SEMA3C: variants seen among roughly 807,000 people sequenced by gnomAD.
SEMA3C encodes the protein semaphorin-3C.
Under a neutral mutation model 89.4 loss-of-function variants are expected in SEMA3C, and 47 were observed. The observed-to-expected ratio is 0.53, with a 90% CI of 0.42 to 0.67. SEMA3C has a LOEUF of 0.67. Ranked by LOEUF, SEMA3C falls within the 30% of genes least tolerant of loss-of-function variation. SEMA3C has a pLI of 0.00. For synonymous variants in SEMA3C, 310 were observed against 320.2 expected (o/e 0.97, Z 0.34); for missense variants, 839 against 929.1 (o/e 0.90, Z 1.26).
At chr7:80,874,444 C>G (rs1791148926) in intron 2 of SEMA3C, among the ~76,000 whole-genome samples, 1 of 92,996 alleles carries the variant, frequency 1.1e-5, no homozygotes, top group Non-Finnish European at 2.3e-5. Context: ...AAGACCATAG[C>G]AAGTTATTTA....
intron 2 of SEMA3C, among the ~76,000 whole-genome samples, chr7:80,858,950 T>C (rs1300970795): frequency 6.6e-6 from 1 of 152,160 alleles, no homozygotes; most frequent in East Asian, 1.9e-4. Flanking sequence ...AGGTGCATCA[T>C]TTGTCCTCTT....
chr7:80,916,365 A>T (rs1792274059), intron 2 of SEMA3C, among the ~76,000 whole-genome samples: 1 of 152,210 alleles, frequency 6.6e-6, no homozygotes, highest in Admixed American at 6.5e-5. Context: ...TACCAGGTGA[A>T]CAGTAAGATC....
chr7:80,805,527 T>C (rs1038000141), intron 7 of SEMA3C, 112 bp downstream of exon 7: 12 of 824,524 alleles, frequency 1.5e-5, no homozygotes, highest in Non-Finnish European at 2.0e-5. Context: ...CCATTATTCA[T>C]GTAATAGCCT....
rs35936052 is a variant in SEMA3C at position 80,851,504 on chromosome 7, T to TAAAAAAAAAAAA, written c.104-22771_104-22760dup. On this transcript the variant is annotated intron_variant, in intron 2 of 17. Transcript: ENST00000265361. ...GGTGACAGAGCAAGACTCTTGTCTT[T>TAAAAAAAAAAAA]AAAAAAAAAAAAAAAAAAAAAAAAA... Among the ~76,000 whole-genome samples the TAAAAAAAAAAAA allele has an allele frequency of 2.4e-4, 17 of 69,804 alleles. 1 individual carries two copies. The highest frequency in any genetic ancestry group is 8.4e-4 in the African/African-American group (16 of 19,110). 45.8% of individuals were successfully genotyped at this position (69,804 alleles called of 152,430 possible). A position where few individuals can be genotyped will look rare whatever the true frequency, so the allele number is the denominator to read the frequency against.
At chr7:80,772,711 T>G (rs1047472620) in intron 12 of SEMA3C, among the ~76,000 whole-genome samples, 24 of 144,778 alleles carry the variant, frequency 1.7e-4, no homozygotes, top group Admixed American at 7.4e-4. Context: ...TTTTTTTTTG[T>G]TTGTTTTATT....
In SEMA3C at chr7:80,742,835, A is replaced by T. The variant is rs541018538; in HGVS notation, c.*2059T>A. ...ACATTAACAGCATTTTTGAAAAAAA[A>T]TTTTCTTTTACATTCAGCAGAGTTA... On this transcript the variant is annotated 3_prime_UTR_variant, in exon 18 of 18. Coordinates refer to ENST00000265361, the MANE Select transcript of SEMA3C (RefSeq NM_006379.5). 3 of 152,056 alleles carry T rather than the reference A, an allele frequency of 2.0e-5. No homozygotes were observed. The South Asian group carries it at 6.2e-4, about 32-fold the overall frequency. The allele number at this position is 152,056 out of a possible 1,614,324, so 9.4% of individuals were successfully genotyped here.
chr7:80,909,876 T>C (rs994546228), intron 2 of SEMA3C, among the ~76,000 whole-genome samples: 1 of 152,170 alleles, frequency 6.6e-6, no homozygotes, highest in Non-Finnish European at 1.5e-5. Flanking sequence ...GCACTTAAAA[T>C]ATGGTGTTGA....
At chr7:80,859,996 T>C (rs914580009) in intron 2 of SEMA3C, among the ~76,000 whole-genome samples, 3 of 152,124 alleles carry the variant, frequency 2.0e-5, no homozygotes, top group African/African-American at 7.2e-5. Flanking sequence ...GGAAACAATA[T>C]TCTAATTAAT....
intron 2 of SEMA3C, among the ~76,000 whole-genome samples, chr7:80,874,659 G>A (rs1775520090): frequency 6.6e-6 from 1 of 151,678 alleles, no homozygotes; most frequent in Non-Finnish European, 1.5e-5. Context: ...GTAGAGACAG[G>A]GTTTCACCAG....
intron 12 of SEMA3C, among the ~76,000 whole-genome samples, chr7:80,779,914 G>A (rs1243542184): frequency 3.3e-5 from 5 of 152,162 alleles, no homozygotes; most frequent in African/African-American, 1.2e-4. Context: ...AAACCTGTGG[G>A]TGGCCTCAAG....
intron 2 of SEMA3C, among the ~76,000 whole-genome samples, chr7:80,871,937 T>C (rs952619549): frequency 6.6e-6 from 1 of 152,148 alleles, no homozygotes; most frequent in Non-Finnish European, 1.5e-5. Flanking sequence ...GTAATATAAA[T>C]ATAAAAATTT....
At chr7:80,767,448 T>C (rs959736621) in intron 12 of SEMA3C, among the ~76,000 whole-genome samples, 4 of 152,218 alleles carry the variant, frequency 2.6e-5, no homozygotes, top group Non-Finnish European at 4.4e-5. Flanking sequence ...TCACAAGTCA[T>C]GTAAACATTA....
At chr7:80,858,778 T>C (rs1183491460) in intron 2 of SEMA3C, among the ~76,000 whole-genome samples, 1 of 152,154 alleles carries the variant, frequency 6.6e-6, no homozygotes, top group East Asian at 1.9e-4. Context: ...TTTGTGACCT[T>C]GGAGTGTTTA....
intron 4 of SEMA3C, among the ~76,000 whole-genome samples, chr7:80,824,194 T>G (rs542794083): frequency 6.6e-6 from 1 of 152,316 alleles, no homozygotes; most frequent in African/African-American, 2.4e-5. Context: ...GTATGGATTT[T>G]AATTGCTAAC....
At chr7:80,793,539 G>A in intron 11 of SEMA3C, 1 of 421,272 alleles carries the variant, frequency 2.4e-6, no homozygotes. Flanking sequence ...ACAATATTAT[G>A]ACAAAAAGTA....
intron 8 of SEMA3C, among the ~76,000 whole-genome samples, chr7:80,803,810 G>A (rs1184323634): frequency 2.6e-5 from 4 of 152,018 alleles, no homozygotes; most frequent in East Asian, 1.9e-4. Context: ...TGTCAGAAGT[G>A]TTTATTTGTT....
chr7:80,756,755 T>C lies in SEMA3C; in HGVS notation c.1643+1576A>G, dbSNP rs1410884192. ...TGGAATGTTATTCTGCTAGATAACG[T>C]CTTGGTGCCATTCCACATGAAGTCC... On this transcript the variant is annotated intron_variant, in intron 15 of 17. Coordinates refer to ENST00000265361, the MANE Select transcript of SEMA3C (RefSeq NM_006379.5). Among the ~76,000 whole-genome samples the C allele has an allele frequency of 2.6e-5, 4 of 152,136 alleles. No individual in the cohort carries two copies. In the East Asian group the frequency reaches 7.7e-4, roughly 29 times the overall value.
intron 2 of SEMA3C, among the ~76,000 whole-genome samples, chr7:80,860,103 T>C (rs1048048593): frequency 6.6e-6 from 1 of 152,138 alleles, no homozygotes; most frequent in Non-Finnish European, 1.5e-5. Context: ...ATATGTATGC[T>C]TAGCAAATAC....
intron 12 of SEMA3C, among the ~76,000 whole-genome samples, chr7:80,783,053 T>C (rs1788724948): frequency 6.6e-6 from 1 of 152,318 alleles, no homozygotes; most frequent in Admixed American, 6.5e-5. Context: ...TATATGTCTA[T>C]ATCTTTATAC....
Sources: allele counts gnomAD v4.1 joint callset (sites outside exome capture counted in the v4.1 genomes callset), GRCh38; gene constraint gnomAD v4.1.1; transcripts MANE v1.5; gene names NCBI Gene and HGNC (gene_info 2026-07-23, HGNC 2026-07-21).